NOL4: variants seen among roughly 807,000 people sequenced by gnomAD.
NOL4 encodes cancer/testis antigen 125.
A neutral mutation model predicts 75.9 loss-of-function variants in NOL4; 17 were observed. The observed-to-expected ratio is 0.22, with a 90% CI of 0.15 to 0.34. NOL4 has a LOEUF of 0.34. Among genes scored for constraint, NOL4 ranks in the 10% least tolerant of loss-of-function variants. The pLI, the probability that NOL4 is intolerant of heterozygous loss-of-function variation, is 1.00. For missense variants in NOL4, 614 were observed against 793.5 expected (o/e 0.77, Z 2.72); for synonymous variants, 292 against 289.9 (o/e 1.01, Z -0.07).
intron 5 of NOL4, among the ~76,000 whole-genome samples, chr18:34,083,322 C>T (rs1003454916): frequency 4.6e-5 from 7 of 152,116 alleles, no homozygotes; most frequent in Admixed American, 3.9e-4. Context: ...GAATGACTCT[C>T]GCAGCCAGGA....
At chr18:34,218,662 C>A (rs573859293) in intron 1 of NOL4, among the ~76,000 whole-genome samples, 5 of 152,096 alleles carry the variant, frequency 3.3e-5, no homozygotes, top group African/African-American at 1.2e-4. Context: ...CTATTTGACC[C>A]CCAAATCCTA....
At chr18:33,965,894 AAAAAAGTT>A (rs1390272375) in intron 6 of NOL4, among the ~76,000 whole-genome samples, 3 of 152,160 alleles carry the variant, frequency 2.0e-5, no homozygotes, top group Non-Finnish European at 4.4e-5. Context: ...ATACTACAGA[AAAAAAGTT>A]AAAAAGTTAA....
At chr18:34,036,690 G>C (rs1451489884) in intron 5 of NOL4, among the ~76,000 whole-genome samples, 1 of 152,164 alleles carries the variant, frequency 6.6e-6, no homozygotes, top group Non-Finnish European at 1.5e-5. Context: ...TTGGGAGGCT[G>C]AGGTGGGTGA....
At chr18:34,220,794 C>A (rs575573298) in intron 1 of NOL4, among the ~76,000 whole-genome samples, 178 of 152,160 alleles carry the variant, frequency 1.2e-3, no homozygotes, top group African/African-American at 4.2e-3. Context: ...TACATGAGAA[C>A]CATTATCTAA....
At chr18:34,001,493 C>G (rs2073702088) in intron 6 of NOL4, among the ~76,000 whole-genome samples, 1 of 152,024 alleles carries the variant, frequency 6.6e-6, no homozygotes, top group South Asian at 2.1e-4. Context: ...TTAAAGACTT[C>G]ATAGCCCTGA....
At chr18:34,113,741 G>A (rs1457383283) in intron 2 of NOL4, among the ~76,000 whole-genome samples, 1 of 152,054 alleles carries the variant, frequency 6.6e-6, no homozygotes, top group Non-Finnish European at 1.5e-5. Context: ...ATGAAATACT[G>A]CCATTTGATT....
chr18:34,169,602 A>G (rs1351116525), intron 1 of NOL4, among the ~76,000 whole-genome samples: 2 of 152,170 alleles, frequency 1.3e-5, no homozygotes, highest in Non-Finnish European at 2.9e-5. Context: ...CAAAAAATGT[A>G]CTTCACATTT....
At chr18:34,159,947 C>T (rs1315456240) in intron 1 of NOL4, among the ~76,000 whole-genome samples, 3 of 152,074 alleles carry the variant, frequency 2.0e-5, no homozygotes, top group Non-Finnish European at 4.4e-5. Context: ...TGGCCATATC[C>T]AGTCATCCCT....
chr18:34,076,939 T>C (rs897183324), intron 5 of NOL4, among the ~76,000 whole-genome samples: 2 of 152,154 alleles, frequency 1.3e-5, no homozygotes, highest in African/African-American at 4.8e-5. Flanking sequence ...TGCACACACA[T>C]CTACAAATTC....
chr18:34,217,812 T>C (rs2037016570), intron 1 of NOL4, among the ~76,000 whole-genome samples: 1 of 152,070 alleles, frequency 6.6e-6, no homozygotes, highest in Non-Finnish European at 1.5e-5. Context: ...TATGTTAGTA[T>C]ATATTATATA....
chr18:33,940,564 G>A (rs1304095410), intron 9 of NOL4, among the ~76,000 whole-genome samples: 2 of 152,074 alleles, frequency 1.3e-5, no homozygotes, highest in East Asian at 1.9e-4. Context: ...AGGAGGCTAG[G>A]GGAGGGATAG....
intron 5 of NOL4, among the ~76,000 whole-genome samples, chr18:34,074,611 G>A (rs890678443): frequency 2.0e-5 from 3 of 151,906 alleles, no homozygotes; most frequent in Admixed American, 6.6e-5. Flanking sequence ...TTTATAATGG[G>A]GAAGAGGAAT....
At chr18:33,860,296 C>G (rs545319823) in intron 10 of NOL4, among the ~76,000 whole-genome samples, 8 of 152,176 alleles carry the variant, frequency 5.3e-5, no homozygotes, top group Admixed American at 2.0e-4. Flanking sequence ...CTACCTCCCC[C>G]CAAATCTCAC....
chr18:34,173,770 G>T (rs1045783355), intron 1 of NOL4, among the ~76,000 whole-genome samples: 2 of 152,074 alleles, frequency 1.3e-5, no homozygotes, highest in African/African-American at 2.4e-5. Context: ...GCAAATCTTT[G>T]CCATGTTCAC....
At chr18:34,191,480 C>G (rs1430447921) in intron 1 of NOL4, among the ~76,000 whole-genome samples, 1 of 152,048 alleles carries the variant, frequency 6.6e-6, no homozygotes, top group African/African-American at 2.4e-5. Context: ...GGTTCTGAGT[C>G]AAGAAGGTAT....
intron 1 of NOL4, among the ~76,000 whole-genome samples, chr18:34,202,612 G>A (rs2035816332): frequency 6.6e-6 from 1 of 151,890 alleles, no homozygotes; most frequent in African/African-American, 2.4e-5. Context: ...TGGTGGAGAT[G>A]ACTAAACTCA....
chr18:34,198,802 A>G (rs142342355), intron 1 of NOL4, among the ~76,000 whole-genome samples: 109 of 151,916 alleles, frequency 7.2e-4, no homozygotes, highest in African/African-American at 2.5e-3. Flanking sequence ...GTCTTTGCCA[A>G]TTTTTCATTG....
rs35845459 is a variant in NOL4 at position 34,046,754 on chromosome 18, C to CT, written c.773-27154dup. 2.0e-3 allele frequency among the ~76,000 whole-genome samples: 304 copies of CT among 151,152 alleles called. 7 individuals are homozygous for CT. The East Asian group carries it at 0.051, about 26-fold the overall frequency. ...GCTCACTGCCTTCTGCAGTGACCCT[C>CT]TAAGTTTCACTCTTTCTGAAATAAA... On this transcript the variant is annotated intron_variant, in intron 5 of 10. Transcript: ENST00000261592.
intron 6 of NOL4, among the ~76,000 whole-genome samples, chr18:34,015,173 G>C (rs1026700413): frequency 6.6e-6 from 1 of 151,874 alleles, no homozygotes; most frequent in African/African-American, 2.4e-5. Context: ...ATCCAGATGC[G>C]GGAATCCTAG....
Sources: allele counts gnomAD v4.1 joint callset (sites outside exome capture counted in the v4.1 genomes callset), GRCh38; gene constraint gnomAD v4.1.1; transcripts MANE v1.5; gene names NCBI Gene and HGNC (gene_info 2026-07-23, HGNC 2026-07-21).